EML4: variants seen among roughly 807,000 people sequenced by gnomAD.
EML4 encodes EMAP like 4, also known as echinoderm microtubule-associated protein-like 4.
In EML4, 72 loss-of-function variants were observed where a neutral mutation model predicts 129.0. That is an observed-to-expected ratio of 0.56 (90% CI 0.46 to 0.68). EML4 has a LOEUF of 0.68. Among genes scored for constraint, EML4 ranks in the 30% least tolerant of loss-of-function variants. The pLI, the probability that EML4 is intolerant of heterozygous loss-of-function variation, is 0.00. For missense variants in EML4, 1,363 were observed against 1,190.6 expected (o/e 1.14, Z -2.13); for synonymous variants, 532 against 405.0 (o/e 1.31, Z -3.77).
At chr2:42,249,292 G>GTTT (rs1372360975) in intron 2 of EML4, among the ~76,000 whole-genome samples, 2 of 59,502 alleles carry the variant, frequency 3.4e-5, no homozygotes, top group Non-Finnish European at 6.8e-5. Context: ...TTTTATGTGT[G>GTTT]ATTTTTTAGC....
chr2:42,273,600 C>G (rs948186589), intron 6 of EML4, among the ~76,000 whole-genome samples: 2 of 151,992 alleles, frequency 1.3e-5, no homozygotes, highest in African/African-American at 4.8e-5. Flanking sequence ...ATCCCCCACC[C>G]CACTATGTAA....
Position 42,325,662 on chromosome 2 carries a change from C to T in EML4, c.2242+108C>T, listed in dbSNP as rs538620561. On this transcript the variant is annotated intron_variant, in intron 20 of 22. Coordinates refer to ENST00000318522, the MANE Select transcript of EML4 (RefSeq NM_019063.5). ...TATGCTAAGATGTGTCTGTCAGGGG[C>T]GCTAATGAACAGGCTGCATGGAATC... 97 of 214,230 alleles carry T rather than the reference C, an allele frequency of 4.5e-4. 3 individuals are homozygous for T. Among genetic ancestry groups the T allele is most frequent in the Non-Finnish European group, 7.2e-4 (85 of 118,802 alleles). The allele number at this position is 214,230 out of a possible 1,614,324, so 13.3% of individuals were successfully genotyped here. A position where few individuals can be genotyped will look rare whatever the true frequency, so the allele number is the denominator to read the frequency against.
intron 13 of EML4, among the ~76,000 whole-genome samples, chr2:42,299,197 A>T (rs867348059): frequency 6.6e-6 from 1 of 152,326 alleles, no homozygotes; most frequent in Middle Eastern, 3.4e-3. Flanking sequence ...AAATCAAGCA[A>T]GCCCTTTCCT....
intron 1 of EML4, among the ~76,000 whole-genome samples, chr2:42,205,448 A>G (rs1672485503): frequency 6.6e-6 from 1 of 152,180 alleles, no homozygotes; most frequent in Non-Finnish European, 1.5e-5. Context: ...TTGCCCAATA[A>G]TAATAATAAT....
At chr2:42,294,241 T>C (rs1433324752) in intron 11 of EML4, among the ~76,000 whole-genome samples, 1 of 152,232 alleles carries the variant, frequency 6.6e-6, no homozygotes, top group Non-Finnish European at 1.5e-5. Context: ...CTTTTAAACT[T>C]AATGCCTGTC....
At chr2:42,178,422 C>G (rs1276212896) in intron 1 of EML4, among the ~76,000 whole-genome samples, 1 of 151,490 alleles carries the variant, frequency 6.6e-6, no homozygotes, top group Non-Finnish European at 1.5e-5. Context: ...CGTGGTGGTG[C>G]ATGCCCAGCT....
intron 1 of EML4, among the ~76,000 whole-genome samples, chr2:42,186,052 A>C (rs1294346346): frequency 1.3e-5 from 2 of 152,124 alleles, no homozygotes; most frequent in Non-Finnish European, 2.9e-5. Context: ...GCCCCAAAAA[A>C]CTGTAAGTGG....
chr2:42,215,282 A>G (rs567073487), intron 1 of EML4, among the ~76,000 whole-genome samples: 1 of 151,926 alleles, frequency 6.6e-6, no homozygotes, highest in African/African-American at 2.4e-5. Context: ...CTGGTCTTGA[A>G]CTCCTGGGAT....
intron 19 of EML4, among the ~76,000 whole-genome samples, chr2:42,320,972 G>A (rs1249917668): frequency 2.0e-5 from 3 of 151,552 alleles, no homozygotes; most frequent in African/African-American, 7.3e-5. Context: ...AAAAAGAGGG[G>A]GAAAAAAAGA....
intron 1 of EML4, among the ~76,000 whole-genome samples, chr2:42,219,538 A>T (rs1445945676): frequency 6.6e-6 from 1 of 152,226 alleles, no homozygotes; most frequent in Non-Finnish European, 1.5e-5. Flanking sequence ...TTAGAAAATG[A>T]CATTTTGCAT....
intron 17 of EML4, among the ~76,000 whole-genome samples, chr2:42,306,789 G>A (rs1049123855): frequency 2.6e-5 from 4 of 151,544 alleles, no homozygotes; most frequent in Non-Finnish European, 5.9e-5. Context: ...GTGAGCCACC[G>A]CACCTGGCCG....
chr2:42,275,375 G>T (rs1666599729), intron 6 of EML4, among the ~76,000 whole-genome samples: 1 of 152,186 alleles, frequency 6.6e-6, no homozygotes, highest in Admixed American at 6.5e-5. Flanking sequence ...AGCAGGTCTA[G>T]ATCATAGTTT....
chr2:42,219,240 C>T (rs574130428), intron 1 of EML4, among the ~76,000 whole-genome samples: 3 of 152,134 alleles, frequency 2.0e-5, no homozygotes, highest in African/African-American at 7.2e-5. Context: ...CTGGGCAGGT[C>T]CACTGATATG....
At chr2:42,251,187 T>C (rs1436143161) in intron 2 of EML4, among the ~76,000 whole-genome samples, 1 of 152,234 alleles carries the variant, frequency 6.6e-6, no homozygotes, top group Non-Finnish European at 1.5e-5. Flanking sequence ...ACCCCTGGTA[T>C]AGTCTGTTGC....
At chr2:42,264,213 C>T (rs142524513) in intron 5 of EML4, among the ~76,000 whole-genome samples, 1 of 147,792 alleles carries the variant, frequency 6.8e-6, no homozygotes, top group Non-Finnish European at 1.5e-5. Flanking sequence ...TTCCTGGGCT[C>T]AGGTGATTCT....
intron 1 of EML4, among the ~76,000 whole-genome samples, chr2:42,199,693 T>G (rs988475889): frequency 2.0e-5 from 3 of 152,128 alleles, no homozygotes; most frequent in Non-Finnish European, 4.4e-5. Flanking sequence ...AGAAGTTTAT[T>G]TGAAAATAAG....
At chr2:42,309,447 A>T (rs907175763) in intron 17 of EML4, among the ~76,000 whole-genome samples, 27 of 142,558 alleles carry the variant, frequency 1.9e-4, no homozygotes, top group African/African-American at 5.1e-4. Flanking sequence ...AAAAAAAAAA[A>T]TTTTTTTTTT....
intron 10 of EML4, among the ~76,000 whole-genome samples, chr2:42,287,911 A>C (rs529126272): frequency 1.3e-5 from 2 of 152,164 alleles, no homozygotes; most frequent in Non-Finnish European, 2.9e-5. Context: ...GCAAGAAGGA[A>C]GCATAAGATG....
At chr2:42,271,825 G>A (rs187162819) in intron 6 of EML4, among the ~76,000 whole-genome samples, 58 of 152,206 alleles carry the variant, frequency 3.8e-4, no homozygotes, top group African/African-American at 1.2e-3. Flanking sequence ...TGTCCAGGCC[G>A]GGCACAGTGG....
Sources: gnomAD v4.1 joint callset for allele counts (sites outside exome capture counted in the v4.1 genomes callset) on GRCh38, gnomAD v4.1.1 for gene constraint, MANE v1.5 for transcripts, NCBI Gene and HGNC (gene_info 2026-07-23, HGNC 2026-07-21) for gene names.